Variants in OR10Z1 observed in about 807,000 individuals in gnomAD.
OR10Z1 encodes the protein olfactory receptor family 10 subfamily Z member 1, also known as olfactory receptor 10Z1.
For synonymous variants in OR10Z1, 187 were observed against 151.2 expected (o/e 1.24, Z -1.74); for missense variants, 468 against 371.0 (o/e 1.26, Z -2.15).
chr1:158,611,218 T>G lies in OR10Z1; in HGVS notation c.*3838T>G, dbSNP rs760799031. The G allele has an allele frequency of 6.2e-7, 1 of 1,606,740 alleles. No homozygotes were observed. Among genetic ancestry groups the G allele is most frequent in the Admixed American group, 1.7e-5 (1 of 59,682 alleles). The stretch of plus-strand genomic sequence containing the variant: ...CCTGTACTCTTTGCCCCCCAGTAAA[T>G]TTCCCACGACACTAAGATTTTCTAC... On this transcript the variant is annotated 3_prime_UTR_variant, in exon 2 of 2. Coordinates refer to ENST00000641002, the MANE Select transcript of OR10Z1 (RefSeq NM_001004478.2).
intron 1 of OR10Z1, 40 bp from the exon 2 acceptor site, chr1:158,606,286 G>C: frequency 1.7e-6 from 1 of 603,822 alleles, no homozygotes; most frequent in East Asian, 2.8e-5. Flanking sequence ...ATACTTTTTT[G>C]AAGTTTGAGT....
In OR10Z1 at chr1:158,607,284, C is replaced by A; in HGVS notation, c.846C>A (p.Thr282=). Residue 282 remains threonine, a synonymous_variant, in exon 2 of 2, where the codon ACC becomes ACA. Coordinates refer to ENST00000641002, the MANE Select transcript of OR10Z1 (RefSeq NM_001004478.2). ...TTGCCATGACCTATACTGTAGTGAC[C>A]CCCCTCCTTAATCCCATTGTTTATA... ...QLIAMTYTVV[T]PLLNPIVYSL... 2.5e-6 allele frequency: 4 copies of A among 1,613,916 alleles called. No individual in the cohort carries two copies. The highest frequency in any genetic ancestry group is 3.4e-6 in the Non-Finnish European group (4 of 1,179,846).
Position 158,611,486 on chromosome 1 carries a change from G to A in OR10Z1, c.*4106G>A. The stretch of plus-strand genomic sequence containing the variant: ...TTACGCCATAAATGCAGGAGATGGA[G>A]AGTCTCTGGAAGACGCAAGCCCTAT... On this transcript the variant is annotated 3_prime_UTR_variant, in exon 2 of 2. Coordinates refer to ENST00000641002, the MANE Select transcript of OR10Z1 (RefSeq NM_001004478.2). 1 of 1,450,558 alleles carries A rather than the reference G, an allele frequency of 6.9e-7. No homozygotes were observed. 89.9% of individuals were successfully genotyped at this position (1,450,558 alleles called of 1,614,324 possible). A position where few individuals can be genotyped will look rare whatever the true frequency, so the allele number is the denominator to read the frequency against.
At position 158,610,840 on chromosome 1, in the gene OR10Z1, G is replaced by A. The variant is rs879849461; in HGVS notation, c.*3460G>A. 6.4e-6 allele frequency: 1 copy of A among 156,586 alleles called. No homozygotes were observed. Among genetic ancestry groups the A allele is most frequent in the Admixed American group, 6.3e-5 (1 of 15,942 alleles). 9.7% of individuals were successfully genotyped at this position (156,586 alleles called of 1,614,324 possible). ...GCCCTTCTTTACAGTAAAATTAGCT[G>A]CCCACTCTTATATGAGTACAGTTCC... On this transcript the variant is annotated 3_prime_UTR_variant, in exon 2 of 2. Coordinates refer to ENST00000641002, the MANE Select transcript of OR10Z1 (RefSeq NM_001004478.2).
In OR10Z1 at chr1:158,607,033, A is replaced by G. The variant is rs556332054; in HGVS notation, c.595A>G (p.Ile199Val). 10 of 1,613,846 alleles carry G rather than the reference A, an allele frequency of 6.2e-6. No individual in the cohort carries two copies. In the South Asian group the frequency reaches 8.8e-5, roughly 14 times the overall value. Residue 199 changes from isoleucine to valine, a missense_variant, in exon 2 of 2, where the codon ATC becomes GTC. Transcript: ENST00000641002. ...AGATACAGGCCCGAGTGAGCTGAGGATCTTTATCCTCAGTCTTTTGGTCCT... is the reference window on the plus strand; with the variant it reads ...AGATACAGGCCCGAGTGAGCTGAGGGTCTTTATCCTCAGTCTTTTGGTCCT... ...CGDTGPSELR[I>V]FILSLLVLLV...
In OR10Z1 at chr1:158,610,977, C is replaced by A; in HGVS notation, c.*3597C>A. ...AGCAAAATGATAAAGACGTGCAAAACAGAACAAATAAAAATAGAAACTTTG... is the reference window on the plus strand; with the variant it reads ...AGCAAAATGATAAAGACGTGCAAAAAAGAACAAATAAAAATAGAAACTTTG... On this transcript the variant is annotated 3_prime_UTR_variant, in exon 2 of 2. Coordinates refer to ENST00000641002, the MANE Select transcript of OR10Z1 (RefSeq NM_001004478.2). The A allele has an allele frequency of 2.9e-6, 1 of 341,078 alleles. No homozygotes were observed. The highest frequency in any genetic ancestry group is 3.4e-5 in the South Asian group (1 of 29,078). 21.1% of individuals were successfully genotyped at this position (341,078 alleles called of 1,614,324 possible). A position where few individuals can be genotyped will look rare whatever the true frequency, so the allele number is the denominator to read the frequency against.
At position 158,610,282 on chromosome 1, in the gene OR10Z1, A is replaced by G. The variant is rs1649178812; in HGVS notation, c.*2902A>G. 6.6e-6 allele frequency: 1 copy of G among 152,146 alleles called. No individual in the cohort carries two copies. The highest frequency in any genetic ancestry group is 1.5e-5 in the Non-Finnish European group (1 of 68,008). 9.4% of individuals were successfully genotyped at this position (152,146 alleles called of 1,614,324 possible). A position where few individuals can be genotyped will look rare whatever the true frequency, so the allele number is the denominator to read the frequency against. ...TGGTAAGTGGGGACTATTTGTGCAG[A>G]ACGCTAGCAGTTTTATACACAGCAA... On this transcript the variant is annotated 3_prime_UTR_variant, in exon 2 of 2. Coordinates refer to ENST00000641002, the MANE Select transcript of OR10Z1 (RefSeq NM_001004478.2).
At position 158,611,559 on chromosome 1, in the gene OR10Z1, G is replaced by A. The variant is rs1446999326; in HGVS notation, c.*4179G>A. 1.5e-5 allele frequency: 10 copies of A among 649,302 alleles called. No individual in the cohort carries two copies. Among genetic ancestry groups the A allele is most frequent in the Non-Finnish European group, 2.5e-5 (10 of 396,704 alleles). The allele number at this position is 649,302 out of a possible 1,614,324, so 40.2% of individuals were successfully genotyped here. A position where few individuals can be genotyped will look rare whatever the true frequency, so the allele number is the denominator to read the frequency against. On this transcript the variant is annotated 3_prime_UTR_variant, in exon 2 of 2. Coordinates refer to ENST00000641002, the MANE Select transcript of OR10Z1 (RefSeq NM_001004478.2). ...CTCATAAATTTATAATTTCTAATGA[G>A]TAACTTAACTTTTAATCTCAGCCCT...
chr1:158,611,169 G>A lies in OR10Z1; in HGVS notation c.*3789G>A, dbSNP rs995337947. ...CACACACACACACACACACACACGA[G>A]GCCATCTTTATCTTCCACATTTGCC... On this transcript the variant is annotated 3_prime_UTR_variant, in exon 2 of 2. Transcript: ENST00000641002. 9.6e-7 allele frequency: 1 copy of A among 1,045,622 alleles called. No individual in the cohort carries two copies. Among genetic ancestry groups the A allele is most frequent in the African/African-American group, 2.0e-5 (1 of 51,272 alleles). 64.8% of individuals were successfully genotyped at this position (1,045,622 alleles called of 1,614,324 possible).
In OR10Z1 at chr1:158,607,213, T is replaced by A; in HGVS notation, c.775T>A (p.Tyr259Asn). 6.2e-7 allele frequency: 1 copy of A among 1,614,100 alleles called. No individual in the cohort carries two copies. The change falls in exon 2 of 2, where the codon TAC becomes AAC. Residue 259 changes from tyrosine (Y) to asparagine (N), a missense_variant. Physicochemically the swap from Tyr to Asn is moderately radical, Grantham distance 143. Coordinates refer to ENST00000641002, the MANE Select transcript of OR10Z1 (RefSeq NM_001004478.2). ...TCATTATGGCTGTGCTTCCTTCGTG[T>A]ACCTGAGGCCCAAAGCCAGCTACTC... is the stretch of plus-strand genomic sequence containing the variant. ...IIHYGCASFVYLRPKASYSLE... is the reference protein window; with the variant it reads ...IIHYGCASFVNLRPKASYSLE...
At position 158,610,701 on chromosome 1, in the gene OR10Z1, A is replaced by C. The variant is rs1649198094; in HGVS notation, c.*3321A>C. ...TTTCATTGTACAAACTAAAATATTC[A>C]TGTTCCCCAGAAAATCAAATATCTT... On this transcript the variant is annotated 3_prime_UTR_variant, in exon 2 of 2. Coordinates refer to ENST00000641002, the MANE Select transcript of OR10Z1 (RefSeq NM_001004478.2). 1 of 152,796 alleles carries C rather than the reference A, an allele frequency of 6.5e-6. No individual in the cohort carries two copies. Among genetic ancestry groups the C allele is most frequent in the South Asian group, 2.1e-4 (1 of 4,872 alleles). The allele number at this position is 152,796 out of a possible 1,614,324, so 9.5% of individuals were successfully genotyped here.
chr1:158,611,435 T>C lies in OR10Z1; in HGVS notation c.*4055T>C, dbSNP rs769959795. ...AAAATACAGTTATAGGGATTCAAAA[T>C]AGCTGGTTCCTTGGGGCTTCCCATA... On this transcript the variant is annotated 3_prime_UTR_variant, in exon 2 of 2. Coordinates refer to ENST00000641002, the MANE Select transcript of OR10Z1 (RefSeq NM_001004478.2). The C allele has an allele frequency of 5.6e-6, 9 of 1,610,518 alleles. No individual in the cohort carries two copies. The highest frequency in any genetic ancestry group is 7.6e-6 in the Non-Finnish European group (9 of 1,177,964).
rs987798060 is a variant in OR10Z1 at position 158,607,615 on chromosome 1, T to C, written c.*235T>C. ...GAGCCCAAAATCTGAATTTTAACTTTCAGCCTCCTAGATGCCACCCCTAGT... is the reference window on the plus strand; with the variant it reads ...GAGCCCAAAATCTGAATTTTAACTTCCAGCCTCCTAGATGCCACCCCTAGT... On this transcript the variant is annotated 3_prime_UTR_variant, in exon 2 of 2. Transcript: ENST00000641002. 7 of 405,046 alleles carry C rather than the reference T, an allele frequency of 1.7e-5. No individual in the cohort carries two copies. The highest frequency in any genetic ancestry group is 2.6e-5 in the Non-Finnish European group (6 of 228,640). 25.1% of individuals were successfully genotyped at this position (405,046 alleles called of 1,614,324 possible).
rs562589780 is a variant in OR10Z1, at chr1:158,611,348, C to T, written c.*3968C>T. 1 of 1,613,732 alleles carries T rather than the reference C, an allele frequency of 6.2e-7. No individual in the cohort carries two copies. The highest frequency in any genetic ancestry group is 1.1e-5 in the South Asian group (1 of 91,074). On this transcript the variant is annotated 3_prime_UTR_variant, in exon 2 of 2. Coordinates refer to ENST00000641002, the MANE Select transcript of OR10Z1 (RefSeq NM_001004478.2). Reference sequence around the variant, plus strand: ...GACCCCGTGGGTCCATATATTGCTGCATATGTGTGGCACAGAATGACACTT... The same window carrying T: ...GACCCCGTGGGTCCATATATTGCTGTATATGTGTGGCACAGAATGACACTT...
chr1:158,612,363 C>T lies in OR10Z1; in HGVS notation c.*4983C>T, dbSNP rs182720681. 9.1e-6 allele frequency: 2 copies of T among 220,082 alleles called. No individual in the cohort carries two copies. The highest frequency in any genetic ancestry group is 1.2e-4 in the East Asian group (1 of 8,166). The allele number at this position is 220,082 out of a possible 1,614,324, so 13.6% of individuals were successfully genotyped here. Reference sequence around the variant, plus strand: ...TTGGAATCAGAGAGAAGAGAGATTACTTCTGGTTGTAATAAAATTCCCCAC... The same window carrying T: ...TTGGAATCAGAGAGAAGAGAGATTATTTCTGGTTGTAATAAAATTCCCCAC... On this transcript the variant is annotated 3_prime_UTR_variant, in exon 2 of 2. Coordinates refer to ENST00000641002, the MANE Select transcript of OR10Z1 (RefSeq NM_001004478.2).
In OR10Z1 at chr1:158,609,542, C is replaced by T. The variant is rs1269392537; in HGVS notation, c.*2162C>T. On this transcript the variant is annotated 3_prime_UTR_variant, in exon 2 of 2. Coordinates refer to ENST00000641002, the MANE Select transcript of OR10Z1 (RefSeq NM_001004478.2). Reference sequence around the variant, plus strand: ...ATGTTTCAAGTATTGCTAAGTAATACTTAGAGGTCTAACTTCCACATGTAG... The same window carrying T: ...ATGTTTCAAGTATTGCTAAGTAATATTTAGAGGTCTAACTTCCACATGTAG... The T allele has an allele frequency of 1.3e-5, 2 of 152,098 alleles. No homozygotes were observed. The allele number at this position is 152,098 out of a possible 1,614,324, so 9.4% of individuals were successfully genotyped here.
chr1:158,607,282 A>T lies in OR10Z1; in HGVS notation c.844A>T (p.Thr282Ser). ...QLIAMTYTVV[T>S]PLLNPIVYSL... ...TATTGCCATGACCTATACTGTAGTG[A>T]CCCCCCTCCTTAATCCCATTGTTTA... is the stretch of plus-strand genomic sequence containing the variant. The change falls in exon 2 of 2, where the codon ACC (threonine) becomes TCC (serine). Residue 282 changes from threonine (T) to serine (S), a missense_variant. By Grantham distance (58) the Thr-to-Ser change is moderately conservative. Coordinates refer to ENST00000641002, the MANE Select transcript of OR10Z1 (RefSeq NM_001004478.2). The T allele has an allele frequency of 6.2e-7, 1 of 1,613,752 alleles. No homozygotes were observed. Among genetic ancestry groups the T allele is most frequent in the Non-Finnish European group, 8.5e-7 (1 of 1,179,818 alleles).
chr1:158,607,416 C>T lies in OR10Z1; in HGVS notation c.*36C>T, dbSNP rs776491203. 11 of 1,536,142 alleles carry T rather than the reference C, an allele frequency of 7.2e-6. 1 individual carries two copies. In the South Asian group the frequency reaches 1.2e-4, roughly 16 times the overall value. ...AATAGGACACTTTCTTCTGTGTAGG[C>T]TGGGCATAGACCAAGAACCCAAGCC... On this transcript the variant is annotated 3_prime_UTR_variant, in exon 2 of 2. Coordinates refer to ENST00000641002, the MANE Select transcript of OR10Z1 (RefSeq NM_001004478.2).
rs1031247461 is a variant in OR10Z1, at chr1:158,610,035, G to A, written c.*2655G>A. The stretch of plus-strand genomic sequence containing the variant: ...TTAGACATTTGTGAACATTAATTTT[G>A]AAAATACTTTCTGCTTGTTATATTC... On this transcript the variant is annotated 3_prime_UTR_variant, in exon 2 of 2. Transcript: ENST00000641002. The A allele has an allele frequency of 4.6e-5, 7 of 152,018 alleles. No individual in the cohort carries two copies. Among genetic ancestry groups the A allele is most frequent in the Admixed American group, 4.6e-4 (7 of 15,266 alleles). 9.4% of individuals were successfully genotyped at this position (152,018 alleles called of 1,614,324 possible). A position where few individuals can be genotyped will look rare whatever the true frequency, so the allele number is the denominator to read the frequency against.
Sources: gnomAD v4.1 joint callset for allele counts on GRCh38, gnomAD v4.1.1 for gene constraint, MANE v1.5 for transcripts, NCBI Gene and HGNC (gene_info 2026-07-23, HGNC 2026-07-21) for gene names.